The following CREG2 variants were observed in gnomAD, a reference collection of about 807,000 sequenced individuals.
CREG2 encodes the protein protein CREG2.
Under a neutral mutation model 26.2 loss-of-function variants are expected in CREG2, and 24 were observed. The ratio of observed to expected loss-of-function variants is 0.92; its 90% CI spans 0.66 to 1.29. The LOEUF (loss-of-function observed/expected upper bound fraction) is 1.29. Among genes scored for constraint, CREG2 ranks in the 50% most tolerant of loss-of-function variants. The pLI is 0.00. For missense variants in CREG2, 366 were observed against 398.6 expected, an observed-to-expected ratio of 0.92 and a Z score of 0.70; for synonymous variants, 174 against 169.2, an observed-to-expected ratio of 1.03 and a Z score of -0.22.
intron 2 of CREG2, among the ~76,000 whole-genome samples, chr2:101,380,213 G>C (rs1309812856): frequency 6.6e-6 from 1 of 152,222 alleles, no homozygotes; most frequent in Non-Finnish European, 1.5e-5. Context: ...AAAGTAGCCT[G>C]TCCTCGGAAT....
chr2:101,377,141 AT>A (rs779487873), intron 2 of CREG2, among the ~76,000 whole-genome samples: 17 of 152,200 alleles, frequency 1.1e-4, no homozygotes, highest in Non-Finnish European at 2.4e-4. Flanking sequence ...TAAGTGATAA[AT>A]TGTTATTTTT....
At position 101,348,174 on chromosome 2, in the gene CREG2, C is replaced by A. The variant is rs140421774; in HGVS notation, c.*2749G>T. 2.6e-5 allele frequency: 4 copies of A among 152,296 alleles called. No individual in the cohort carries two copies. The highest frequency in any genetic ancestry group is 9.6e-5 in the African/African-American group (4 of 41,564). The allele number at this position is 152,296 out of a possible 1,614,324, so 9.4% of individuals were successfully genotyped here. On this transcript the variant is annotated 3_prime_UTR_variant, in exon 4 of 4. Coordinates refer to ENST00000324768, the MANE Select transcript of CREG2 (RefSeq NM_153836.4). ...CCATCAATGTGTTTCTATGCCTCCA[C>A]CAAATACCACACTTCTTGAATACTG...
intron 3 of CREG2, among the ~76,000 whole-genome samples, chr2:101,353,353 A>G (rs374234273): frequency 5.3e-4 from 80 of 152,370 alleles, no homozygotes; most frequent in African/African-American, 1.8e-3. Flanking sequence ...CGGCCAACAA[A>G]TATATGAAAC....
chr2:101,371,155 C>T (rs1056899160), intron 2 of CREG2, among the ~76,000 whole-genome samples: 18 of 152,184 alleles, frequency 1.2e-4, no homozygotes, highest in African/African-American at 3.9e-4. Context: ...TAGAGGCCTC[C>T]ATGGACCAAA....
chr2:101,371,465 TAG>T (rs1303046871), intron 2 of CREG2, among the ~76,000 whole-genome samples: 5 of 152,204 alleles, frequency 3.3e-5, no homozygotes, highest in Non-Finnish European at 7.3e-5. Flanking sequence ...GAACTGTCTG[TAG>T]AGACCACGCA....
chr2:101,386,929 C>A, intron 1 of CREG2, 88 bp downstream of exon 1: 1 of 1,198,824 alleles, frequency 8.3e-7, no homozygotes, highest in South Asian at 4.2e-5. Context: ...GGATCTCAGT[C>A]CCGAGCGGTC....
intron 2 of CREG2, among the ~76,000 whole-genome samples, chr2:101,361,581 G>C (rs1399561125): frequency 6.6e-6 from 1 of 152,216 alleles, no homozygotes; most frequent in Non-Finnish European, 1.5e-5. Context: ...CTTCCAAAAA[G>C]GAACATAGTT....
intron 1 of CREG2, among the ~76,000 whole-genome samples, chr2:101,384,614 C>G (rs1304845684): frequency 6.6e-6 from 1 of 152,162 alleles, no homozygotes; most frequent in Non-Finnish European, 1.5e-5. Flanking sequence ...GGCATGGGGA[C>G]TCACCCTGTA....
At chr2:101,354,240 T>A (rs1481914671) in intron 3 of CREG2, among the ~76,000 whole-genome samples, 1 of 152,096 alleles carries the variant, frequency 6.6e-6, no homozygotes, top group Non-Finnish European at 1.5e-5. Context: ...GAACTAGAGT[T>A]GAGTTTAAAA....
At chr2:101,355,661 C>T (rs1035681989) in intron 2 of CREG2, among the ~76,000 whole-genome samples, 15 of 130,840 alleles carry the variant, frequency 1.1e-4, no homozygotes, top group African/African-American at 2.3e-4. Flanking sequence ...GAAATTGAGA[C>T]GGGAAAGTTC....
intron 3 of CREG2, among the ~76,000 whole-genome samples, chr2:101,353,720 C>T (rs1387443142): frequency 2.0e-5 from 3 of 152,118 alleles, no homozygotes; most frequent in African/African-American, 7.2e-5. Flanking sequence ...AATCCAAATG[C>T]CCATCAATAA....
intron 1 of CREG2, 128 bp downstream of exon 1, chr2:101,386,889 T>C: frequency 1.0e-6 from 1 of 990,382 alleles, no homozygotes; most frequent in Non-Finnish European, 1.3e-6. Context: ...GAGGGTCCCA[T>C]CCAGGGCACC....
chr2:101,376,761 C>T (rs1199123686), intron 2 of CREG2, among the ~76,000 whole-genome samples: 3 of 152,180 alleles, frequency 2.0e-5, no homozygotes, highest in Non-Finnish European at 4.4e-5. Flanking sequence ...AGCTTTGTTA[C>T]CATCACATGA....
At chr2:101,382,597 G>A (rs1684893583) in intron 2 of CREG2, 2 of 985,434 alleles carry the variant, frequency 2.0e-6, no homozygotes, top group South Asian at 4.7e-5. Context: ...CAGCTGAAGT[G>A]TCTCCATGTG....
chr2:101,352,157 T>C (rs576624749), intron 3 of CREG2, among the ~76,000 whole-genome samples: 25 of 152,282 alleles, frequency 1.6e-4, no homozygotes, highest in Non-Finnish European at 3.4e-4. Context: ...GCTGGAATTA[T>C]AGGTGTGTGC....
chr2:101,366,138 GA>G (rs1429200252), intron 2 of CREG2, among the ~76,000 whole-genome samples: 2 of 152,002 alleles, frequency 1.3e-5, no homozygotes, highest in Admixed American at 6.6e-5. Flanking sequence ...AAAAGAAAAG[GA>G]TGGTCTTTTG....
intron 2 of CREG2, among the ~76,000 whole-genome samples, chr2:101,362,310 GA>G (rs900596940): frequency 2.0e-5 from 3 of 151,868 alleles, no homozygotes; most frequent in Admixed American, 6.6e-5. Context: ...GAGGGAGAGA[GA>G]AAAAAAATCT....
intron 2 of CREG2, among the ~76,000 whole-genome samples, chr2:101,357,708 G>A (rs62156065): frequency 0.13 from 19,787 of 151,872 alleles, 1,507 homozygotes; most frequent in East Asian, 0.23. Context: ...ACAACCCTAG[G>A]AGGTTTTATT....
At chr2:101,360,743 A>G (rs1430672087) in intron 2 of CREG2, among the ~76,000 whole-genome samples, 1 of 152,034 alleles carries the variant, frequency 6.6e-6, no homozygotes, top group East Asian at 1.9e-4. Context: ...GTCTCAGAAA[A>G]AAAAAAAAAA....
Sources: allele counts gnomAD v4.1 joint callset (sites outside exome capture counted in the v4.1 genomes callset), GRCh38; gene constraint gnomAD v4.1.1; transcripts MANE v1.5; gene names NCBI Gene and HGNC (gene_info 2026-07-23, HGNC 2026-07-21).